CCDC50: variants seen among roughly 807,000 people sequenced by gnomAD.
The protein encoded by CCDC50 is coiled-coil domain containing 50.
CCDC50 carries 54 observed loss-of-function variants against 70.2 expected under a neutral mutation model. The observed-to-expected ratio is 0.77, with a 90% confidence interval of 0.62 to 0.96. The LOEUF (loss-of-function observed/expected upper bound fraction) is 0.96, where lower values mean the gene tolerates loss of function less well. Among genes scored for constraint, CCDC50 ranks in the 50% least tolerant of loss-of-function variants. The pLI is 0.00. For missense variants in CCDC50, 558 were observed against 578.7 expected (o/e 0.96, Z 0.37); for synonymous variants, 216 against 198.8 (o/e 1.09, Z -0.73).
chr3:191,332,390 A>C (rs1718019955), intron 1 of CCDC50, among the ~76,000 whole-genome samples: 1 of 152,234 alleles, frequency 6.6e-6, no homozygotes, highest in African/African-American at 2.4e-5. Flanking sequence ...ATGTAGGTGA[A>C]AAGAATCAAG....
At chr3:191,335,081 C>CATG (rs1718097858) in intron 1 of CCDC50, among the ~76,000 whole-genome samples, 1 of 152,122 alleles carries the variant, frequency 6.6e-6, no homozygotes, top group African/African-American at 2.4e-5. Flanking sequence ...AGTCATAGGC[C>CATG]ATGGTCTTTC....
intron 7 of CCDC50, among the ~76,000 whole-genome samples, 153 bp from the exon 8 acceptor site, chr3:191,380,534 G>C (rs1050694529): frequency 3.3e-5 from 5 of 152,038 alleles, no homozygotes; most frequent in Admixed American, 3.3e-4. Flanking sequence ...AAGAGCTCCT[G>C]CTCTGGCTGG....
chr3:191,374,939 C>A, intron 5 of CCDC50, 123 bp from the exon 6 acceptor site: 1 of 1,013,578 alleles, frequency 9.9e-7, no homozygotes, highest in Non-Finnish European at 1.5e-6. Flanking sequence ...GTTGAAAAAG[C>A]AATTTTCTCC....
chr3:191,386,093 G>C (rs447931), intron 10 of CCDC50, among the ~76,000 whole-genome samples: 1 of 151,598 alleles, frequency 6.6e-6, no homozygotes, highest in Non-Finnish European at 1.5e-5. Flanking sequence ...GGATTGCCTC[G>C]GCTATGTGGC....
At chr3:191,380,973 T>C in intron 9 of CCDC50, 41 bp downstream of exon 9, 2 of 1,521,234 alleles carry the variant, frequency 1.3e-6, no homozygotes, top group Non-Finnish European at 1.8e-6. Context: ...GAAATAAAAT[T>C]AGAAATGAAA....
intron 5 of CCDC50, among the ~76,000 whole-genome samples, chr3:191,370,478 GTTTTTTTGTT>G (rs1712872235): frequency 7.8e-6 from 1 of 128,556 alleles, no homozygotes; most frequent in African/African-American, 2.9e-5. Context: ...TTTTTTGTTT[GTTTTTTTGTT>G]TTTTTTTTTG....
At chr3:191,346,784 T>C (rs1214135771) in intron 1 of CCDC50, among the ~76,000 whole-genome samples, 1 of 152,180 alleles carries the variant, frequency 6.6e-6, no homozygotes, top group Non-Finnish European at 1.5e-5. Context: ...TTCCGGTGGC[T>C]GAAACATTTA....
chr3:191,371,814 G>A (rs2108660298), intron 5 of CCDC50, among the ~76,000 whole-genome samples: 1 of 152,164 alleles, frequency 6.6e-6, no homozygotes, highest in African/African-American at 2.4e-5. Flanking sequence ...TATATGTTAT[G>A]TCATTTAAAA....
At chr3:191,329,836 C>T (rs1031590438) in intron 1 of CCDC50, 113 bp downstream of exon 1, 119 of 1,059,576 alleles carry the variant, frequency 1.1e-4, no homozygotes, top group Middle Eastern at 8.9e-4. Flanking sequence ...GGTGCCCGCC[C>T]TGCGTTGGCC....
intron 1 of CCDC50, among the ~76,000 whole-genome samples, chr3:191,352,963 T>G (rs138371514): frequency 7.8e-6 from 1 of 128,288 alleles, no homozygotes; most frequent in Non-Finnish European, 1.7e-5. Flanking sequence ...GATCCAGCTT[T>G]ATTTTTTTTT....
intron 3 of CCDC50, 36 bp downstream of exon 3, chr3:191,358,160 C>T: frequency 6.2e-7 from 1 of 1,612,806 alleles, no homozygotes; most frequent in East Asian, 2.2e-5. Context: ...TGATGCAAGA[C>T]TGGTTTTCTC....
intron 3 of CCDC50, among the ~76,000 whole-genome samples, 153 bp downstream of exon 3, chr3:191,358,277 G>C (rs929087368): frequency 3.9e-5 from 6 of 152,112 alleles, no homozygotes; most frequent in African/African-American, 1.4e-4. Flanking sequence ...CAGTTTTTTT[G>C]ATTTGAAAAT....
chr3:191,335,020 G>A (rs568198006), intron 1 of CCDC50, among the ~76,000 whole-genome samples: 58 of 152,182 alleles, frequency 3.8e-4, no homozygotes, highest in Non-Finnish European at 7.6e-4. Flanking sequence ...ATTCTAAAGA[G>A]GCTAATATTT....
chr3:191,354,197 C>T (rs190701083), intron 1 of CCDC50, among the ~76,000 whole-genome samples: 41 of 152,306 alleles, frequency 2.7e-4, no homozygotes, highest in Admixed American at 6.5e-4. Context: ...CTACCACCCA[C>T]ATCAAATGTT....
intron 1 of CCDC50, among the ~76,000 whole-genome samples, chr3:191,337,151 C>T (rs763160757): frequency 2.7e-5 from 4 of 150,202 alleles, no homozygotes; most frequent in African/African-American, 7.4e-5. Flanking sequence ...AAATTTTTTG[C>T]GACCTGATAC....
rs779966593 is a variant in CCDC50 at position 191,380,716 on chromosome 3, A to G, written c.1122A>G (p.Gln374=). 8 of 1,612,662 alleles carry G rather than the reference A, an allele frequency of 5.0e-6. No homozygotes were observed. The highest frequency in any genetic ancestry group is 2.2e-5 in the East Asian group (1 of 44,830). The change falls in exon 8 of 12, where the codon CAA becomes CAG. Residue 374 remains glutamine (Q), a synonymous_variant. Transcript: ENST00000392455. Reference sequence around the variant, plus strand: ...CCCAGGTGGACATGAGAGCCGCTCAAGTAGCTCAAGATGAAGTAAGTTAAT... The same window carrying G: ...CCCAGGTGGACATGAGAGCCGCTCAGGTAGCTCAAGATGAAGTAAGTTAAT... ...LATQVDMRAA[Q]VAQDEEIARL...
intron 1 of CCDC50, among the ~76,000 whole-genome samples, chr3:191,356,452 G>T (rs1347664823): frequency 6.6e-6 from 1 of 152,170 alleles, no homozygotes; most frequent in Non-Finnish European, 1.5e-5. Context: ...AGATTATTTT[G>T]GGGCAGCCCA....
At chr3:191,376,782 A>G (rs758071231) in intron 6 of CCDC50, among the ~76,000 whole-genome samples, 29 of 152,128 alleles carry the variant, frequency 1.9e-4, no homozygotes, top group Non-Finnish European at 2.2e-4. Flanking sequence ...AAAATAGAGG[A>G]AAGTGTGATA....
intron 4 of CCDC50, among the ~76,000 whole-genome samples, chr3:191,361,518 C>G (rs1424296965): frequency 6.6e-6 from 1 of 152,146 alleles, no homozygotes; most frequent in Non-Finnish European, 1.5e-5. Context: ...TGGGAAGGAT[C>G]CTTCCTTGCC....
Sources: allele counts gnomAD v4.1 joint callset (sites outside exome capture counted in the v4.1 genomes callset), GRCh38; gene constraint gnomAD v4.1.1; transcripts MANE v1.5; gene names NCBI Gene and HGNC (gene_info 2026-07-23, HGNC 2026-07-21).